The following CAPN14 variants were observed in gnomAD, a reference collection of about 807,000 sequenced individuals.
The protein encoded by CAPN14 is calpain-14.
A neutral mutation model predicts 101.3 loss-of-function variants in CAPN14; 94 were observed. The observed-to-expected ratio is 0.93, with a 90% CI of 0.79 to 1.10. The LOEUF (loss-of-function observed/expected upper bound fraction) is 1.10. CAPN14 is among the 50% of genes least tolerant of loss of function. The pLI, the probability that CAPN14 is intolerant of heterozygous loss-of-function variation, is 0.00. For synonymous variants in CAPN14, 338 were observed against 317.9 expected (o/e 1.06, Z -0.67); for missense variants, 837 against 828.4 (o/e 1.01, Z -0.13).
At chr2:31,198,665 T>C (rs573107922) in intron 7 of CAPN14, among the ~76,000 whole-genome samples, 2 of 152,294 alleles carry the variant, frequency 1.3e-5, no homozygotes, top group South Asian at 2.1e-4. Flanking sequence ...TAAGTGTGAA[T>C]TGAGTCCAAG....
At chr2:31,191,357 G>C in intron 12 of CAPN14, 42 bp downstream of exon 12, 1 of 1,535,778 alleles carries the variant, frequency 6.5e-7, no homozygotes. Flanking sequence ...CACATGTGAT[G>C]TCACCCCAAA....
intron 2 of CAPN14, 82 bp from the exon 3 acceptor site, chr2:31,203,221 C>T: frequency 9.3e-7 from 1 of 1,072,100 alleles, no homozygotes; most frequent in Non-Finnish European, 1.4e-6. Context: ...TTCCCATACC[C>T]CAAAACTGTA....
At chr2:31,214,836 G>A (rs1458543189) in intron 1 of CAPN14, among the ~76,000 whole-genome samples, 1 of 152,178 alleles carries the variant, frequency 6.6e-6, no homozygotes, top group African/African-American at 2.4e-5. Context: ...CCCTGGCGTC[G>A]CTCATTGCAG....
Position 31,177,142 on chromosome 2 carries a change from C to G in CAPN14, c.1856G>C (p.Gly619Ala). Residue 619 changes from glycine to alanine, a missense_variant and splice_region_variant, in exon 20 of 22, where the codon GGA (glycine) becomes GCA (alanine). Transcript: ENST00000403897. ...EQLHAAMREAGIMLSDDVCQL... is the reference protein window; with the variant it reads ...EQLHAAMREAAIMLSDDVCQL... ...ACAGACGTCATCACTGAGCATGATT[C>G]CTGCATTGAGCACAAGCTCCTGCTG... The G allele has an allele frequency of 6.5e-7, 1 of 1,548,922 alleles. No homozygotes were observed.
At chr2:31,199,367 C>G (rs934640541) in intron 7 of CAPN14, 103 bp downstream of exon 7, 1 of 991,088 alleles carries the variant, frequency 1.0e-6, no homozygotes, top group Non-Finnish European at 1.5e-6. Context: ...AGACTTTACC[C>G]ACTCTCCAGA....
intron 21 of CAPN14, among the ~76,000 whole-genome samples, chr2:31,175,649 C>T (rs1680254458): frequency 6.6e-6 from 1 of 152,230 alleles, no homozygotes; most frequent in Non-Finnish European, 1.5e-5. Flanking sequence ...GCCATTGGCC[C>T]TCCAGTAGAA....
intron 1 of CAPN14, among the ~76,000 whole-genome samples, chr2:31,207,585 T>C (rs1682166967): frequency 6.6e-6 from 1 of 152,074 alleles, no homozygotes; most frequent in South Asian, 2.1e-4. Flanking sequence ...TGGGGCAACA[T>C]GGCAAAACTT....
At chr2:31,218,447 G>A (rs887511437), upstream of CAPN14, among the ~76,000 whole-genome samples, 9 of 152,004 alleles carry the variant, frequency 5.9e-5, no homozygotes, top group Non-Finnish European at 1.0e-4. Context: ...CTTCCTCCCC[G>A]CCTGCTTCTT....
In CAPN14 at chr2:31,193,201, C is replaced by T. The variant is rs1351489245; in HGVS notation, c.1044G>A (p.Trp348Ter). 1 of 1,551,698 alleles carries T rather than the reference C, an allele frequency of 6.4e-7. No individual in the cohort carries two copies. The highest frequency in any genetic ancestry group is 1.2e-5 in the South Asian group (1 of 84,062). Residue 348 changes from tryptophan (W) to a stop codon, truncating the protein, a stop_gained, in exon 10 of 22, where the codon TGG becomes TGA. Coordinates refer to ENST00000403897, the MANE Select transcript of CAPN14 (RefSeq NM_001145122.2). LOFTEE classifies it high-confidence loss of function. ...ATCTCCCCTCCCGCATGGTGTACGT[C>T]CACTTCTGGGCCGCCTCCTGGCTCA... ...GLLSQEAAQK[W>*]TYTMREGRWE...
At chr2:31,213,948 T>G (rs1245498637) in intron 1 of CAPN14, among the ~76,000 whole-genome samples, 1 of 152,218 alleles carries the variant, frequency 6.6e-6, no homozygotes, top group Non-Finnish European at 1.5e-5. Flanking sequence ...CTTTTACTGT[T>G]TAGACATCTG....
intron 16 of CAPN14, among the ~76,000 whole-genome samples, chr2:31,182,740 C>G (rs542253253): frequency 1.7e-4 from 26 of 150,722 alleles, no homozygotes; most frequent in Middle Eastern, 3.4e-3. Context: ...GAATCAATAT[C>G]GTGAAAATGG....
chr2:31,180,215 G>A (rs1232071162), intron 17 of CAPN14, among the ~76,000 whole-genome samples: 1 of 152,124 alleles, frequency 6.6e-6, no homozygotes. Context: ...ATGAGCGCTT[G>A]GAGAGGGTCT....
At chr2:31,232,805 T>A (rs181392377) in intron 1 of CAPN14, among the ~76,000 whole-genome samples, 3 of 152,238 alleles carry the variant, frequency 2.0e-5, no homozygotes, top group Admixed American at 2.0e-4. Flanking sequence ...CAAAACCATA[T>A]CAACCCCCAA....
At position 31,174,349 on chromosome 2, in the gene CAPN14, G is replaced by A. The variant is rs1680192280; in HGVS notation, c.*332C>T. On this transcript the variant is annotated 3_prime_UTR_variant, in exon 22 of 22. Coordinates refer to ENST00000403897, the MANE Select transcript of CAPN14 (RefSeq NM_001145122.2). ...ACTTGAGTTTGCAGCCACAGAGGCA[G>A]TGTTGTATGGAGGCTAACCACACCA... 2.2e-6 allele frequency: 1 copy of A among 453,062 alleles called. No homozygotes were observed. Among genetic ancestry groups the A allele is most frequent in the African/African-American group, 2.0e-5 (1 of 50,382 alleles). The allele number at this position is 453,062 out of a possible 1,614,324, so 28.1% of individuals were successfully genotyped here. A position where few individuals can be genotyped will look rare whatever the true frequency, so the allele number is the denominator to read the frequency against.
At chr2:31,209,576 G>A (rs1682285980) in intron 1 of CAPN14, among the ~76,000 whole-genome samples, 1 of 152,086 alleles carries the variant, frequency 6.6e-6, no homozygotes, top group African/African-American at 2.4e-5. Context: ...GGGTTTCCTT[G>A]TCTCTCCTGA....
chr2:31,211,583 T>C (rs1682403664), intron 1 of CAPN14, among the ~76,000 whole-genome samples: 2 of 151,614 alleles, frequency 1.3e-5, no homozygotes, highest in African/African-American at 4.8e-5. Flanking sequence ...TGATTTTAGA[T>C]AAAATCATCA....
chr2:31,204,559 C>T (rs2148692825), intron 2 of CAPN14, among the ~76,000 whole-genome samples: 2 of 152,174 alleles, frequency 1.3e-5, no homozygotes, highest in South Asian at 4.2e-4. Context: ...TCACCAAAGG[C>T]CAATGATGTA....
At chr2:31,218,568 C>A (rs1022327020), upstream of CAPN14, among the ~76,000 whole-genome samples, 17 of 152,186 alleles carry the variant, frequency 1.1e-4, no homozygotes, top group Admixed American at 1.1e-3. Flanking sequence ...ATAGCCAACA[C>A]GTTTTGAGCA....
upstream of CAPN14, among the ~76,000 whole-genome samples, chr2:31,218,891 A>G (rs1429564607): frequency 1.3e-5 from 2 of 152,226 alleles, no homozygotes; most frequent in Non-Finnish European, 2.9e-5. Flanking sequence ...CATGTGCCAA[A>G]TAGCCACCCT....
Sources: gnomAD v4.1 joint callset for allele counts (sites outside exome capture counted in the v4.1 genomes callset) on GRCh38, gnomAD v4.1.1 for gene constraint, MANE v1.5 for transcripts, NCBI Gene and HGNC (gene_info 2026-07-23, HGNC 2026-07-21) for gene names.